ANTXR1: variants seen among roughly 807,000 people sequenced by gnomAD.
ANTXR1 encodes the protein anthrax toxin receptor 1.
A neutral mutation model predicts 78.1 loss-of-function variants in ANTXR1; 19 were observed. That is an observed-to-expected ratio of 0.24 (90% CI 0.17 to 0.36). The LOEUF is 0.36. Among genes scored for constraint, ANTXR1 ranks in the 10% least tolerant of loss-of-function variants. ANTXR1 has a pLI of 1.00. For missense variants in ANTXR1, 518 were observed against 718.6 expected, an observed-to-expected ratio of 0.72 and a Z score of 3.19; for synonymous variants, 273 against 260.5, an observed-to-expected ratio of 1.05 and a Z score of -0.46.
chr2:69,111,863 C>T (rs1236578998), intron 10 of ANTXR1, among the ~76,000 whole-genome samples: 1 of 152,170 alleles, frequency 6.6e-6, no homozygotes, highest in Non-Finnish European at 1.5e-5. Flanking sequence ...GGCTCCAGGG[C>T]TGCTGTGGGC....
chr2:69,193,600 A>G (rs758180689), intron 17 of ANTXR1, among the ~76,000 whole-genome samples, 185 bp downstream of exon 17: 8 of 152,236 alleles, frequency 5.3e-5, no homozygotes, highest in Non-Finnish European at 8.8e-5. Flanking sequence ...ATGTTGCAAC[A>G]AATCAGACAT....
intron 3 of ANTXR1, among the ~76,000 whole-genome samples, chr2:69,058,317 C>T (rs1382397148): frequency 1.3e-5 from 2 of 152,180 alleles, no homozygotes; most frequent in Non-Finnish European, 2.9e-5. Context: ...CTTCAAAGGA[C>T]AGCCTAGCTC....
At chr2:69,091,445 C>CAAAAAAAAAAAAAAAAA (rs60795933) in intron 9 of ANTXR1, among the ~76,000 whole-genome samples, 1 of 62,328 alleles carries the variant, frequency 1.6e-5, no homozygotes, top group Non-Finnish European at 2.9e-5. Flanking sequence ...GACACCATCT[C>CAAAAAAAAAAAAAAAAA]AAAAAAAAAA....
intron 12 of ANTXR1, chr2:69,145,609 A>G (rs1673201636): frequency 2.7e-5 from 36 of 1,342,082 alleles, no homozygotes; most frequent in Non-Finnish European, 3.3e-5. Flanking sequence ...TTTATTGGCT[A>G]CATAATCACT....
At chr2:69,239,489 T>C (rs1377752903) in intron 17 of ANTXR1, among the ~76,000 whole-genome samples, 1 of 152,176 alleles carries the variant, frequency 6.6e-6, no homozygotes, top group Admixed American at 6.5e-5. Flanking sequence ...GAAGAATCGC[T>C]TGAACCCAGG....
chr2:69,199,408 C>T (rs1674724045), intron 17 of ANTXR1, among the ~76,000 whole-genome samples: 1 of 152,158 alleles, frequency 6.6e-6, no homozygotes, highest in Non-Finnish European at 1.5e-5. Flanking sequence ...CTGCTTTGGC[C>T]ACCAAGCCGC....
intron 12 of ANTXR1, among the ~76,000 whole-genome samples, chr2:69,130,901 C>T (rs1672721306): frequency 6.6e-6 from 1 of 152,132 alleles, no homozygotes; most frequent in African/African-American, 2.4e-5. Flanking sequence ...AGAAAAACAC[C>T]AGTAAATCAG....
chr2:69,162,421 T>C (rs1422965806), intron 13 of ANTXR1, among the ~76,000 whole-genome samples: 1 of 152,210 alleles, frequency 6.6e-6, no homozygotes, highest in Non-Finnish European at 1.5e-5. Context: ...GGTCTAGAGT[T>C]CAAACTTACA....
intron 16 of ANTXR1, among the ~76,000 whole-genome samples, chr2:69,185,905 T>G (rs1379334695): frequency 6.6e-6 from 1 of 152,198 alleles, no homozygotes; most frequent in Admixed American, 6.5e-5. Context: ...ATCCTCCTTT[T>G]GCCTGGTGGA....
At chr2:69,034,316 G>A (rs1671613310) in intron 1 of ANTXR1, among the ~76,000 whole-genome samples, 1 of 152,312 alleles carries the variant, frequency 6.6e-6, no homozygotes, top group South Asian at 2.1e-4. Flanking sequence ...TAGTGTGGGA[G>A]GACATTGACT....
At chr2:69,207,453 C>G (rs1244998877) in intron 17 of ANTXR1, among the ~76,000 whole-genome samples, 7 of 152,152 alleles carry the variant, frequency 4.6e-5, no homozygotes, top group African/African-American at 1.7e-4. Context: ...AGTAATCTTC[C>G]TAGCACTGCC....
intron 3 of ANTXR1, among the ~76,000 whole-genome samples, chr2:69,049,112 C>T (rs1031242304): frequency 1.3e-5 from 2 of 151,960 alleles, no homozygotes; most frequent in Non-Finnish European, 2.9e-5. Flanking sequence ...ACTGGTGAAC[C>T]TATAGTTTGT....
rs558962715 is a variant in ANTXR1, at chr2:69,140,653, A to G, written c.952-11516A>G. On this transcript the variant is annotated intron_variant, in intron 12 of 17. Transcript: ENST00000303714. ...GGGGGCCTATAAACTGACTTTAGAA[A>G]GAGTCCCAAGGGAGGTGTTTCAGAA... Among the ~76,000 whole-genome samples, 127 of 152,340 alleles carry G rather than the reference A, an allele frequency of 8.3e-4. 3 individuals are homozygous for G. In the Middle Eastern group the frequency reaches 0.014, roughly 16 times the overall value.
chr2:69,145,556 T>G, intron 12 of ANTXR1: 1 of 1,402,582 alleles, frequency 7.1e-7, no homozygotes. Context: ...ACAGGAAACG[T>G]TCCCTCCTTA....
intron 1 of ANTXR1, among the ~76,000 whole-genome samples, chr2:69,032,387 C>A (rs994972231): frequency 6.6e-6 from 1 of 151,976 alleles, no homozygotes; most frequent in Admixed American, 6.6e-5. Flanking sequence ...CCCACCCCCC[C>A]AAAATTTCCA....
chr2:69,078,603 T>G (rs1216244466), intron 8 of ANTXR1, among the ~76,000 whole-genome samples: 1 of 152,154 alleles, frequency 6.6e-6, no homozygotes, highest in Non-Finnish European at 1.5e-5. Context: ...AACCCAGAGT[T>G]TCATTGGCCC....
chr2:69,146,884 G>A (rs1352394810), intron 12 of ANTXR1, among the ~76,000 whole-genome samples: 3 of 152,236 alleles, frequency 2.0e-5, no homozygotes. Context: ...CTTTCCCCTG[G>A]TGAAGAGGGA....
intron 17 of ANTXR1, among the ~76,000 whole-genome samples, chr2:69,222,513 T>C (rs1379846217): frequency 2.0e-5 from 3 of 152,196 alleles, no homozygotes. Context: ...AGTAATGAAC[T>C]CTCTAGTTAT....
intron 1 of ANTXR1, among the ~76,000 whole-genome samples, chr2:69,030,666 T>G (rs907897895): frequency 1.2e-4 from 19 of 152,196 alleles, no homozygotes; most frequent in Non-Finnish European, 2.4e-4. Flanking sequence ...AAAATATATT[T>G]TGAACCCTAT....
Sources: allele counts gnomAD v4.1 joint callset (sites outside exome capture counted in the v4.1 genomes callset), GRCh38; gene constraint gnomAD v4.1.1; transcripts MANE v1.5; gene names NCBI Gene and HGNC (gene_info 2026-07-23, HGNC 2026-07-21).